The following TEK variants were observed in gnomAD, a reference collection of about 807,000 sequenced individuals.
TEK encodes angiopoietin-1 receptor.
In TEK, 43 loss-of-function variants were observed where a neutral mutation model predicts 131.8. The observed-to-expected ratio is 0.33, with a 90% CI of 0.26 to 0.42. The LOEUF is 0.42. Among genes scored for constraint, TEK ranks in the 10% least tolerant of loss-of-function variants. TEK has a pLI of 1.00. For synonymous variants in TEK, 580 were observed against 491.6 expected (o/e 1.18, Z -2.38); for missense variants, 1,162 against 1,384.4 (o/e 0.84, Z 2.55).
At chr9:27,138,776 G>A (rs528612143) in intron 1 of TEK, among the ~76,000 whole-genome samples, 45 of 152,218 alleles carry the variant, frequency 3.0e-4, no homozygotes, top group African/African-American at 7.5e-4. Flanking sequence ...CCAACTTTTC[G>A]TATATGCGTG....
intron 1 of TEK, among the ~76,000 whole-genome samples, chr9:27,111,087 C>G (rs954748436): frequency 1.3e-5 from 2 of 152,134 alleles, no homozygotes; most frequent in Non-Finnish European, 2.9e-5. Flanking sequence ...CCTAAAGCAA[C>G]TGTGTTATAG....
intron 9 of TEK, among the ~76,000 whole-genome samples, chr9:27,186,656 A>T (rs140402504): frequency 6.6e-6 from 1 of 152,156 alleles, no homozygotes; most frequent in African/African-American, 2.4e-5. Flanking sequence ...ACCCAGCACT[A>T]TCTCTTCTGG....
chr9:27,145,858 A>G (rs1822898216), intron 1 of TEK, among the ~76,000 whole-genome samples: 1 of 152,272 alleles, frequency 6.6e-6, no homozygotes. Context: ...TAGATTGATT[A>G]GTTGTGTGTG....
intron 1 of TEK, among the ~76,000 whole-genome samples, chr9:27,128,752 G>A (rs564503381): frequency 6.6e-6 from 1 of 151,726 alleles, no homozygotes; most frequent in South Asian, 2.1e-4. Context: ...GTGAATGGGA[G>A]CTCGCTCATG....
intron 1 of TEK, among the ~76,000 whole-genome samples, chr9:27,110,906 T>G (rs532169807): frequency 1.5e-5 from 1 of 65,244 alleles, no homozygotes; most frequent in East Asian, 5.6e-4. Flanking sequence ...ATTATCATGA[T>G]TCCATTTTTG....
intron 1 of TEK, among the ~76,000 whole-genome samples, chr9:27,148,224 G>C (rs933203428): frequency 6.6e-6 from 1 of 152,208 alleles, no homozygotes; most frequent in African/African-American, 2.4e-5. Flanking sequence ...TCAACAGCCA[G>C]CACCAGATAT....
chr9:27,146,720 A>ATTTT lies in TEK; in HGVS notation c.53-11094_53-11091dup, dbSNP rs34727945. On this transcript the variant is annotated intron_variant, in intron 1 of 22. Transcript: ENST00000380036. ...TAAATAGAGCTGCTATAAACATTCT[A>ATTTT]TTTTTTTTTTTTTTTTTTTTGGCGG... Among the ~76,000 whole-genome samples, 27 of 113,682 alleles carry ATTTT rather than the reference A, an allele frequency of 2.4e-4. 1 individual carries two copies. The highest frequency in any genetic ancestry group is 4.7e-4 in the African/African-American group (14 of 30,068). The allele number at this position is 113,682 out of a possible 152,430, so 74.6% of individuals were successfully genotyped here. A position where few individuals can be genotyped will look rare whatever the true frequency, so the allele number is the denominator to read the frequency against.
At chr9:27,218,662 A>C in intron 19 of TEK, 115 bp from the exon 20 acceptor site, 2 of 1,032,726 alleles carry the variant, frequency 1.9e-6, no homozygotes, top group Non-Finnish European at 3.0e-6. Context: ...CCTAGGATGT[A>C]GACATTTAAC....
At chr9:27,119,344 TAGAAC>T (rs1272880681) in intron 1 of TEK, among the ~76,000 whole-genome samples, 1 of 152,186 alleles carries the variant, frequency 6.6e-6, no homozygotes, top group Non-Finnish European at 1.5e-5. Context: ...TAAAAATACT[TAGAAC>T]AGTGCCGGCT....
chr9:27,202,919 T>C lies in TEK; in HGVS notation c.2009T>C (p.Ile670Thr). 1 of 1,614,156 alleles carries C rather than the reference T, an allele frequency of 6.2e-7. No homozygotes were observed. The change falls in exon 13 of 23, where the codon ATT becomes ACT. Residue 670 changes from isoleucine (I) to threonine (T), a missense_variant. Ile to Thr is a moderately conservative substitution (Grantham distance 89, BLOSUM62 -1). This residue lies in a region of TEK where 477 missense variants were observed against 471.0 expected (regional missense o/e 1.01). Coordinates refer to ENST00000380036, the MANE Select transcript of TEK (RefSeq NM_000459.5). ...TTGGATGGCTATTCTATTTCTTCTATTACTATCCGTTACAAGGTTCAAGGC... is the reference window on the plus strand; with the variant it reads ...TTGGATGGCTATTCTATTTCTTCTACTACTATCCGTTACAAGGTTCAAGGC... ...TILDGYSISSITIRYKVQGKN... is the reference protein window; with the variant it reads ...TILDGYSISSTTIRYKVQGKN...
chr9:27,227,092 C>T (rs1240716390), intron 21 of TEK, among the ~76,000 whole-genome samples: 1 of 152,118 alleles, frequency 6.6e-6, no homozygotes, highest in African/African-American at 2.4e-5. Context: ...CTTTAAGAAA[C>T]TTATGTTAAA....
intron 11 of TEK, among the ~76,000 whole-genome samples, chr9:27,193,680 A>G (rs1045330879): frequency 3.3e-5 from 5 of 152,144 alleles, no homozygotes; most frequent in African/African-American, 1.2e-4. Context: ...TCAACTTCAT[A>G]TATATTTGAT....
chr9:27,132,965 C>T (rs1299043772), intron 1 of TEK, among the ~76,000 whole-genome samples: 2 of 152,146 alleles, frequency 1.3e-5, no homozygotes, highest in African/African-American at 2.4e-5. Context: ...CACAATTGTA[C>T]ATGTTCTGTT....
intron 21 of TEK, among the ~76,000 whole-genome samples, chr9:27,226,766 T>C (rs1194444642): frequency 1.3e-5 from 2 of 152,128 alleles, no homozygotes; most frequent in Non-Finnish European, 2.9e-5. Flanking sequence ...GAACCTTGCT[T>C]CTGCTAAGAT....
At position 27,228,207 on chromosome 9, in the gene TEK, T is replaced by C; in HGVS notation, c.3202T>C (p.Tyr1068His). The stretch of plus-strand genomic sequence containing the variant: ...CCCTTTAATTCTTTGCTTTCGAAGG[T>C]ATGATCTAATGAGACAATGCTGGCG... Reference protein sequence around the residue: ...EKPLNCDDEVYDLMRQCWREK... With the variant: ...EKPLNCDDEVHDLMRQCWREK... The change falls in exon 22 of 23, where the codon TAT becomes CAT. Residue 1068 changes from tyrosine (Y) to histidine (H), a missense_variant and splice_region_variant. Tyr to His is a moderately conservative substitution (Grantham distance 83). Coordinates refer to ENST00000380036, the MANE Select transcript of TEK (RefSeq NM_000459.5). 2 of 1,612,102 alleles carry C rather than the reference T, an allele frequency of 1.2e-6. No individual in the cohort carries two copies. Among genetic ancestry groups the C allele is most frequent in the Non-Finnish European group, 1.7e-6 (2 of 1,178,440 alleles).
chr9:27,131,573 C>T (rs7024233), intron 1 of TEK, among the ~76,000 whole-genome samples: 43,539 of 150,628 alleles, frequency 0.29, 7,106 homozygotes, highest in African/African-American at 0.43. Flanking sequence ...CTGTAATCCC[C>T]GCATGTTGGG....
intron 7 of TEK, among the ~76,000 whole-genome samples, chr9:27,182,224 A>C (rs1258228560): frequency 6.6e-6 from 1 of 152,196 alleles, no homozygotes; most frequent in African/African-American, 2.4e-5. Context: ...CAGGTTAACC[A>C]GGGTGTCACT....
intron 18 of TEK, among the ~76,000 whole-genome samples, chr9:27,215,377 A>C (rs1587032613): frequency 6.6e-6 from 1 of 152,266 alleles, no homozygotes; most frequent in South Asian, 2.1e-4. Flanking sequence ...AGAAAGGTGC[A>C]GTGTGGCAAG....
Position 27,138,325 on chromosome 9 carries a change from C to T in TEK, c.53-19506C>T, listed in dbSNP as rs190319649. ...GCTGATTGGTCCATTTTGCAGAGAG[C>T]TGATTGGTCCATTTTACAGAGTGCT... On this transcript the variant is annotated intron_variant, in intron 1 of 22. Transcript: ENST00000380036. Among the ~76,000 whole-genome samples, 571 of 152,298 alleles carry T rather than the reference C, an allele frequency of 3.7e-3. 3 individuals carry two copies. Among genetic ancestry groups the T allele is most frequent in the African/African-American group, 0.013 (544 of 41,568 alleles).
Sources: gnomAD v4.1 joint callset for allele counts (sites outside exome capture counted in the v4.1 genomes callset) on GRCh38, gnomAD v4.1.1 for gene constraint, gnomAD v4.1.1 regional missense constraint, MANE v1.5 for transcripts, NCBI Gene and HGNC (gene_info 2026-07-23, HGNC 2026-07-21) for gene names.